URM1: variants seen among roughly 807,000 people sequenced by gnomAD.
The protein encoded by URM1 is ubiquitin-related modifier 1.
Under a neutral mutation model 17.7 loss-of-function variants are expected in URM1, and 11 were observed. The observed-to-expected ratio is 0.62, with a 90% confidence interval of 0.39 to 1.03. The LOEUF is 1.03. Among genes scored for constraint, URM1 ranks in the 50% least tolerant of loss-of-function variants. The pLI, the probability that URM1 is intolerant of heterozygous loss-of-function variation, is 0.00. For missense variants in URM1, 128 were observed against 129.2 expected (o/e 0.99, Z 0.04); for synonymous variants, 48 against 50.6 (o/e 0.95, Z 0.22).
chr9:128,389,938 C>T lies in URM1; in HGVS notation c.*204C>T, dbSNP rs559396719. ...ACGTGAGCAGCGGAAGGCAGACAGG[C>T]GCCAGAGCCCAGCACTCCCTTTTCC... On this transcript the variant is annotated 3_prime_UTR_variant, in exon 5 of 5. Transcript: ENST00000372853. 65 of 649,416 alleles carry T rather than the reference C, an allele frequency of 1.0e-4. 1 individual carries two copies. The highest frequency in any genetic ancestry group is 4.8e-4 in the East Asian group (17 of 35,062). The allele number at this position is 649,416 out of a possible 1,614,324, so 40.2% of individuals were successfully genotyped here.
rs778877255 is a variant in URM1, at chr9:128,387,929, G to A, written c.188+32G>A. 3 of 1,613,390 alleles carry A rather than the reference G, an allele frequency of 1.9e-6. No homozygotes were observed. The highest frequency in any genetic ancestry group is 2.5e-6 in the Non-Finnish European group (3 of 1,179,790). ...CCCACTCCTCCCTTCCCTGAAGCAG[G>A]TGGAGGGAGGGACGGATATTTGAGC... On this transcript the variant is annotated intron_variant, in intron 3 of 4. Transcript: ENST00000372853. The surrounding 1 kb of genome is among the most constrained non-coding windows in gnomAD (Gnocchi z 4.3).
intron 2 of URM1, among the ~76,000 whole-genome samples, chr9:128,378,948 A>C (rs1833118659): frequency 1.4e-5 from 1 of 71,078 alleles, no homozygotes; most frequent in East Asian, 2.7e-4. Context: ...TTCTGTCACC[A>C]AAAAAAAAAA....
Position 128,386,151 on chromosome 9 carries a change from G to A in URM1, c.107-1665G>A, listed in dbSNP as rs72756873. 9.6e-3 allele frequency among the ~76,000 whole-genome samples: 1,456 copies of A among 152,254 alleles called. 9 individuals are homozygous for A. Among genetic ancestry groups the A allele is most frequent in the Non-Finnish European group, 0.017 (1,136 of 68,016 alleles). On this transcript the variant is annotated intron_variant, in intron 2 of 4. Transcript: ENST00000372853. ...GGCCAGGCACTGCCCAGACCTTCTC[G>A]CCGCCTCCACACACACAGGCACACC...
chr9:128,380,338 C>G (rs1474761874), intron 2 of URM1, among the ~76,000 whole-genome samples: 1 of 152,082 alleles, frequency 6.6e-6, no homozygotes, highest in Non-Finnish European at 1.5e-5. Context: ...GGGGGGGACA[C>G]TTACTGAGGA....
intron 1 of URM1, among the ~76,000 whole-genome samples, chr9:128,377,011 G>A (rs936483524): frequency 3.3e-5 from 5 of 151,910 alleles, no homozygotes; most frequent in Non-Finnish European, 7.4e-5. Context: ...ATAATTTCCC[G>A]GGTGCCTAAT....
chr9:128,379,456 G>A (rs1309878054), intron 2 of URM1, among the ~76,000 whole-genome samples: 4 of 151,924 alleles, frequency 2.6e-5, no homozygotes, highest in Non-Finnish European at 5.9e-5. Context: ...TCCAGCCTGG[G>A]CAACAAGAGC....
chr9:128,373,312 C>T (rs1367446902), intron 1 of URM1, among the ~76,000 whole-genome samples: 3 of 152,230 alleles, frequency 2.0e-5, no homozygotes, highest in South Asian at 2.1e-4. Flanking sequence ...TGTTGATGCA[C>T]GTTTTTGCCC....
At chr9:128,371,962 G>A (rs1390759689) in intron 1 of URM1, among the ~76,000 whole-genome samples, 1 of 152,164 alleles carries the variant, frequency 6.6e-6, no homozygotes, top group Non-Finnish European at 1.5e-5. Context: ...ATTGCCTTCT[G>A]CAGAACTGGA....
chr9:128,379,419 C>T (rs1416339720), intron 2 of URM1, among the ~76,000 whole-genome samples: 1 of 152,058 alleles, frequency 6.6e-6, no homozygotes, highest in Non-Finnish European at 1.5e-5. Context: ...GCAGAGGTTG[C>T]AGTGAACCAA....
chr9:128,371,725 T>G (rs1450554201), intron 1 of URM1, among the ~76,000 whole-genome samples: 4 of 152,208 alleles, frequency 2.6e-5, no homozygotes, highest in Non-Finnish European at 5.9e-5. Context: ...CATTCCTATC[T>G]CGGACCAATC....
intron 2 of URM1, among the ~76,000 whole-genome samples, chr9:128,380,328 G>C (rs373715656): frequency 7.2e-4 from 109 of 152,278 alleles, no homozygotes; most frequent in Middle Eastern, 3.4e-3. Context: ...TGGAGGCTGG[G>C]GGGGGGACAC....
At position 128,387,759 on chromosome 9, in the gene URM1, G is replaced by A; in HGVS notation, c.107-57G>A. On this transcript the variant is annotated intron_variant, in intron 2 of 4. Coordinates refer to ENST00000372853, the MANE Select transcript of URM1 (RefSeq NM_030914.4). The surrounding 1 kb of genome is among the most constrained non-coding windows in gnomAD (Gnocchi z 4.3). ...CCTTGTGGGCCAGGCAAGGCTCTGG[G>A]GGTGGGCAGGTGCTATTTGGGTTTG... 6.2e-7 allele frequency: 1 copy of A among 1,611,208 alleles called. No homozygotes were observed. Among genetic ancestry groups the A allele is most frequent in the South Asian group, 1.1e-5 (1 of 90,914 alleles).
intron 2 of URM1, among the ~76,000 whole-genome samples, chr9:128,384,410 CA>C (rs1216647987): frequency 6.6e-6 from 1 of 152,202 alleles, no homozygotes; most frequent in Non-Finnish European, 1.5e-5. Context: ...TGGCCAACCC[CA>C]ACATCTTGTG....
chr9:128,389,107 A>G, intron 3 of URM1, 154 bp from the exon 4 acceptor site: 2 of 1,446,736 alleles, frequency 1.4e-6, no homozygotes, highest in Non-Finnish European at 1.8e-6. Flanking sequence ...TCACACTCAG[A>G]CCAGCCTCCC....
intron 3 of URM1, chr9:128,388,662 G>A (rs1343278260): frequency 1.2e-4 from 117 of 985,918 alleles, no homozygotes; most frequent in Non-Finnish European, 1.4e-4. Context: ...TTACCAGTGG[G>A]AGCCAGGCTA....
At chr9:128,385,404 C>A (rs755043778) in intron 2 of URM1, among the ~76,000 whole-genome samples, 13 of 152,308 alleles carry the variant, frequency 8.5e-5, no homozygotes, top group Admixed American at 3.3e-4. Flanking sequence ...CTCTTGCCCA[C>A]TACCATCTCC....
chr9:128,379,804 AAAAAT>A (rs138951085), intron 2 of URM1, among the ~76,000 whole-genome samples: 16 of 151,332 alleles, frequency 1.1e-4, no homozygotes, highest in African/African-American at 1.7e-4. Context: ...CATCTCAAAA[AAAAAT>A]AAAATAAAAT....
rs923741829 is a variant in URM1 at position 128,387,965 on chromosome 9, G to A, written c.188+68G>A. The A allele has an allele frequency of 2.6e-5, 42 of 1,604,776 alleles. No individual in the cohort carries two copies. The highest frequency in any genetic ancestry group is 9.4e-5 in the African/African-American group (7 of 74,768). ...GACGGATATTTGAGCCCCCACCCTC[G>A]GGTTCAGTCCTGGCCTTCTCTGAAT... On this transcript the variant is annotated intron_variant, in intron 3 of 4. Coordinates refer to ENST00000372853, the MANE Select transcript of URM1 (RefSeq NM_030914.4). The surrounding 1 kb of genome is among the most constrained non-coding windows in gnomAD (Gnocchi z 4.3).
intron 1 of URM1, among the ~76,000 whole-genome samples, chr9:128,376,803 A>T (rs1384298289): frequency 2.0e-5 from 3 of 152,180 alleles, no homozygotes; most frequent in Admixed American, 2.0e-4. Flanking sequence ...TCTGAGCAAC[A>T]TGGCGAAATC....
Sources: allele counts gnomAD v4.1 joint callset (sites outside exome capture counted in the v4.1 genomes callset), GRCh38; gene constraint gnomAD v4.1.1; non-coding constraint Gnocchi (gnomAD v3.1); transcripts MANE v1.5; gene names NCBI Gene and HGNC (gene_info 2026-07-23, HGNC 2026-07-21).